The following MRPS6 variants were observed in gnomAD, a reference collection of about 807,000 sequenced individuals.
The protein encoded by MRPS6 is mitochondrial ribosomal protein S6, also known as small ribosomal subunit protein bS6m.
MRPS6 carries 6 observed loss-of-function variants against 13.1 expected under a neutral mutation model. The ratio of observed to expected loss-of-function variants is 0.46; its 90% CI spans 0.25 to 0.91. The LOEUF (loss-of-function observed/expected upper bound fraction) is 0.91. Ranked by LOEUF, MRPS6 falls within the 40% of genes least tolerant of loss-of-function variation. MRPS6 has a pLI of 0.18. For synonymous variants in MRPS6, 61 were observed against 56.5 expected, an observed-to-expected ratio of 1.08 and a Z score of -0.36; for missense variants, 164 against 155.6, an observed-to-expected ratio of 1.05 and a Z score of -0.29.
chr21:34,114,621 T>G (rs1979831350), intron 1 of MRPS6, among the ~76,000 whole-genome samples: 1 of 152,216 alleles, frequency 6.6e-6, no homozygotes, highest in African/African-American at 2.4e-5. Flanking sequence ...ACCTTGGTGA[T>G]TTCTGCCCTT....
chr21:34,135,990 T>C (rs1569425966), intron 2 of MRPS6: 2 of 331,754 alleles, frequency 6.0e-6, no homozygotes, highest in Non-Finnish European at 1.2e-5. Context: ...TGCTGCATCA[T>C]TGATCTGCAC....
Position 34,142,759 on chromosome 21 carries a change from C to T in MRPS6, c.*159C>T, listed in dbSNP as rs60826745. The T allele has an allele frequency of 0.014, 11,292 of 801,528 alleles. 447 individuals carry two copies. Among genetic ancestry groups the T allele is most frequent in the African/African-American group, 0.097 (5,478 of 56,536 alleles). The allele number at this position is 801,528 out of a possible 1,614,324, so 49.7% of individuals were successfully genotyped here. A position where few individuals can be genotyped will look rare whatever the true frequency, so the allele number is the denominator to read the frequency against. On this transcript the variant is annotated 3_prime_UTR_variant, in exon 3 of 3. Coordinates refer to ENST00000399312, the MANE Select transcript of MRPS6 (RefSeq NM_032476.4). ...TTTAGCCCTTGATCCCCTTTGCTTG[C>T]GAGAGGTGGGGAACTGCTCACTGAC...
chr21:34,142,311 A>G, intron 2 of MRPS6, 97 bp from the exon 3 acceptor site: 4 of 1,323,706 alleles, frequency 3.0e-6, no homozygotes, highest in Non-Finnish European at 4.0e-6. Flanking sequence ...TGTGTAGTTG[A>G]TGTCTGTCTA....
At chr21:34,092,740 CT>C (rs1437852278) in intron 1 of MRPS6, among the ~76,000 whole-genome samples, 1 of 152,210 alleles carries the variant, frequency 6.6e-6, no homozygotes, top group African/African-American at 2.4e-5. Flanking sequence ...GCAGCAGCTA[CT>C]ATGACACATA....
intron 2 of MRPS6, chr21:34,135,407 G>A: frequency 2.7e-6 from 1 of 368,446 alleles, no homozygotes. Flanking sequence ...GGGCAGACTG[G>A]TTTATTGGGC....
intron 1 of MRPS6, among the ~76,000 whole-genome samples, chr21:34,085,935 T>C (rs1201263921): frequency 6.6e-6 from 1 of 152,144 alleles, no homozygotes; most frequent in Non-Finnish European, 1.5e-5. Context: ...CGTAGTGCCT[T>C]TACACCTAAC....
chr21:34,104,315 G>A (rs890789909), intron 1 of MRPS6: 2 of 999,904 alleles, frequency 2.0e-6, no homozygotes. Context: ...ATCTGTTAAT[G>A]TGTGTGTAGA....
chr21:34,111,532 C>T lies in MRPS6; in HGVS notation c.46-13809C>T, dbSNP rs1025285473. Reference sequence around the variant, plus strand: ...TCAAAATCAGACATCATGTTCTTCACTCTCTGGGTGTATAGCACAGGGCAT... The same window carrying T: ...TCAAAATCAGACATCATGTTCTTCATTCTCTGGGTGTATAGCACAGGGCAT... On this transcript the variant is annotated intron_variant, in intron 1 of 2. Transcript: ENST00000399312. Among the ~76,000 whole-genome samples the T allele has an allele frequency of 5.6e-4, 85 of 152,216 alleles. 1 individual carries two copies. Among genetic ancestry groups the T allele is most frequent in the African/African-American group, 1.9e-3 (77 of 41,458 alleles).
At chr21:34,104,384 G>A (rs145168781) in intron 1 of MRPS6, 114 of 999,974 alleles carry the variant, frequency 1.1e-4, no homozygotes, top group African/African-American at 1.6e-4. Flanking sequence ...CTTCACCTCC[G>A]AGTAGCTTGT....
chr21:34,094,046 T>C (rs1978849069), intron 1 of MRPS6, among the ~76,000 whole-genome samples: 1 of 152,226 alleles, frequency 6.6e-6, no homozygotes, highest in Non-Finnish European at 1.5e-5. Flanking sequence ...AGTGCCGTTA[T>C]CCTCTCAGAG....
intron 1 of MRPS6, among the ~76,000 whole-genome samples, chr21:34,094,078 G>A (rs577097093): frequency 1.3e-5 from 2 of 152,306 alleles, no homozygotes; most frequent in African/African-American, 4.8e-5. Flanking sequence ...AATACTGCCT[G>A]ATGAAAAGGA....
intron 1 of MRPS6, among the ~76,000 whole-genome samples, chr21:34,117,773 T>C (rs1979977369): frequency 6.6e-6 from 1 of 152,184 alleles, no homozygotes; most frequent in Non-Finnish European, 1.5e-5. Context: ...CACATGCAGG[T>C]GTCAGGATGT....
chr21:34,108,287 C>T (rs556767918), intron 1 of MRPS6, among the ~76,000 whole-genome samples: 2 of 152,064 alleles, frequency 1.3e-5, no homozygotes, highest in Non-Finnish European at 2.9e-5. Context: ...TCTTTTATAC[C>T]ATATTTTGAC....
At chr21:34,141,252 C>A (rs949374988) in intron 2 of MRPS6, among the ~76,000 whole-genome samples, 1 of 152,178 alleles carries the variant, frequency 6.6e-6, no homozygotes, top group African/African-American at 2.4e-5. Flanking sequence ...TGGAGTGAGG[C>A]AGACAGTAAG....
At chr21:34,127,935 A>T (rs1980364773) in intron 2 of MRPS6, among the ~76,000 whole-genome samples, 1 of 152,222 alleles carries the variant, frequency 6.6e-6, no homozygotes, top group Non-Finnish European at 1.5e-5. Context: ...AGAGGCTATG[A>T]CACGTATCCG....
Position 34,106,284 on chromosome 21 carries a change from A to C in MRPS6, c.46-19057A>C, listed in dbSNP as rs900755245. ...TATATTTCTGTGACTAAGTATTTTC[A>C]GTATGAACACTGCCACAATGTAGTG... On this transcript the variant is annotated intron_variant, in intron 1 of 2. Coordinates refer to ENST00000399312, the MANE Select transcript of MRPS6 (RefSeq NM_032476.4). The C allele has an allele frequency of 5.5e-6, 3 of 541,978 alleles. No homozygotes were observed. The African/African-American group carries it at 6.2e-5, about 11-fold the overall frequency. The allele number at this position is 541,978 out of a possible 1,614,324, so 33.6% of individuals were successfully genotyped here.
chr21:34,135,307 G>T, intron 2 of MRPS6: 1 of 230,324 alleles, frequency 4.3e-6, no homozygotes, highest in Non-Finnish European at 8.7e-6. Flanking sequence ...GTATGTTTAG[G>T]AAAGTGCCAA....
Position 34,097,070 on chromosome 21 carries a change from A to G in MRPS6, c.45+23325A>G, listed in dbSNP as rs1430374100. 4 of 1,614,026 alleles carry G rather than the reference A, an allele frequency of 2.5e-6. No individual in the cohort carries two copies. In the East Asian group the frequency reaches 6.7e-5, roughly 27 times the overall value. ...TGGCATCCTTAGGTCATTCAGAGGC[A>G]GAAACACCAGTTGACGCTTACTCCA... On this transcript the variant is annotated intron_variant, in intron 1 of 2. Coordinates refer to ENST00000399312, the MANE Select transcript of MRPS6 (RefSeq NM_032476.4).
intron 1 of MRPS6, among the ~76,000 whole-genome samples, chr21:34,074,451 TCCCC>T: frequency 6.6e-6 from 1 of 152,214 alleles, no homozygotes; most frequent in Non-Finnish European, 1.5e-5. Context: ...GACACTTTCT[TCCCC>T]CTGCTTTTGA....
Sources: gnomAD v4.1 joint callset for allele counts (sites outside exome capture counted in the v4.1 genomes callset) on GRCh38, gnomAD v4.1.1 for gene constraint, MANE v1.5 for transcripts, NCBI Gene and HGNC (gene_info 2026-07-23, HGNC 2026-07-21) for gene names.